Variants in GCFC2 observed in about 807,000 individuals in gnomAD.
GCFC2 encodes intron Large complex component GCFC2.
In GCFC2, 102 loss-of-function variants were observed where a neutral mutation model predicts 99.4. The ratio of observed to expected loss-of-function variants is 1.03; its 90% CI spans 0.87 to 1.21. GCFC2 has a LOEUF of 1.21. Ranked by LOEUF, GCFC2 falls within the 50% of genes most tolerant of loss-of-function variation. The pLI is 0.00. For missense variants in GCFC2, 973 were observed against 920.9 expected (o/e 1.06, Z -0.73); for synonymous variants, 338 against 316.8 (o/e 1.07, Z -0.71).
Position 75,696,242 on chromosome 2 carries a change from G to T in GCFC2, c.791C>A (p.Pro264Gln). 6.7e-7 allele frequency: 1 copy of T among 1,486,962 alleles called. No homozygotes were observed. The highest frequency in any genetic ancestry group is 9.4e-7 in the Non-Finnish European group (1 of 1,066,136). 92.1% of individuals were successfully genotyped at this position (1,486,962 alleles called of 1,614,324 possible). ...CTTTATAATTTCTAAATTTACTGGC[G>T]GAAATGAAATGGAAGTATCAAATTT... ...VKKFDTSISF[P>Q]PVNLEIIKKQ... The change falls in exon 5 of 17, where the codon CCG becomes CAG. Residue 264 changes from proline to glutamine, a missense_variant. Physicochemically the swap from Pro to Gln is moderately conservative, Grantham distance 76. Coordinates refer to ENST00000321027, the MANE Select transcript of GCFC2 (RefSeq NM_003203.5).
At chr2:75,683,940 C>T (rs530971481) in intron 11 of GCFC2, among the ~76,000 whole-genome samples, 43 of 152,056 alleles carry the variant, frequency 2.8e-4, no homozygotes, top group Middle Eastern at 3.4e-3. Flanking sequence ...TAAATAAATA[C>T]GCACCCAATA....
At position 75,670,403 on chromosome 2, in the gene GCFC2, CT is replaced by C. The variant is rs1679044946; in HGVS notation, c.1957-120del. ...CTCACTACAATTAGCCCTGTTGGAA[CT>C]GTCAATTTTAGAATACAATATCTCT... On this transcript the variant is annotated intron_variant, in intron 14 of 16. Coordinates refer to ENST00000321027, the MANE Select transcript of GCFC2 (RefSeq NM_003203.5). 5 of 623,870 alleles carry C rather than the reference CT, an allele frequency of 8.0e-6. No individual in the cohort carries two copies. The Admixed American group carries it at 1.3e-4, about 16-fold the overall frequency. The allele number at this position is 623,870 out of a possible 1,614,324, so 38.6% of individuals were successfully genotyped here. A position where few individuals can be genotyped will look rare whatever the true frequency, so the allele number is the denominator to read the frequency against.
Position 75,689,198 on chromosome 2 carries a change from A to C in GCFC2, c.1367T>G (p.Val456Gly). The C allele has an allele frequency of 1.3e-6, 2 of 1,598,270 alleles. No homozygotes were observed. The highest frequency in any genetic ancestry group is 2.2e-5 in the South Asian group (2 of 89,054). The part of the protein sequence containing the change: ...QGDILQKQKK[V>G]FEEVQDDFCN... ...AAAATCATCTTGCACTTCTTCAAAAACTTTCTTCTGTTTCTGTAAAATGTC... is the reference window on the plus strand; with the variant it reads ...AAAATCATCTTGCACTTCTTCAAAACCTTTCTTCTGTTTCTGTAAAATGTC... Residue 456 changes from valine (V) to glycine (G), a missense_variant, in exon 10 of 17, where the codon GTT (valine) becomes GGT (glycine). Coordinates refer to ENST00000321027, the MANE Select transcript of GCFC2 (RefSeq NM_003203.5).
chr2:75,711,313 G>C, upstream of GCFC2: 2 of 544,714 alleles, frequency 3.7e-6, no homozygotes, highest in Non-Finnish European at 4.7e-6. Context: ...TGTGAGGCTC[G>C]GGGTAGGAGG....
chr2:75,690,855 T>C (rs1680035996), intron 7 of GCFC2, 136 bp from the exon 8 acceptor site: 1 of 561,946 alleles, frequency 1.8e-6, no homozygotes, highest in East Asian at 3.0e-5. Flanking sequence ...AATTTTGCAA[T>C]TAATTATGCA....
intron 4 of GCFC2, among the ~76,000 whole-genome samples, chr2:75,699,331 T>C (rs542812961): frequency 2.0e-5 from 3 of 152,334 alleles, no homozygotes; most frequent in Middle Eastern, 3.4e-3. Flanking sequence ...ACTTAATAAA[T>C]AGAACTGTTT....
chr2:75,694,805 G>C (rs985839117), intron 5 of GCFC2, among the ~76,000 whole-genome samples: 1 of 152,088 alleles, frequency 6.6e-6, no homozygotes, highest in South Asian at 2.1e-4. Context: ...ACTAGGTACA[G>C]AGCAGGGTAT....
chr2:75,686,617 G>A (rs1405491867), intron 11 of GCFC2, among the ~76,000 whole-genome samples: 3 of 152,078 alleles, frequency 2.0e-5, no homozygotes, highest in Non-Finnish European at 2.9e-5. Flanking sequence ...GGTGGCACGC[G>A]CCTGGAGTCC....
At chr2:75,680,775 T>C (rs1010764487) in intron 11 of GCFC2, among the ~76,000 whole-genome samples, 3 of 152,208 alleles carry the variant, frequency 2.0e-5, no homozygotes, top group African/African-American at 7.2e-5. Flanking sequence ...TTATTTTTTC[T>C]ACTCCCTTGC....
At chr2:75,673,628 G>A (rs1475900506) in intron 12 of GCFC2, 108 bp from the exon 13 acceptor site, 5 of 630,604 alleles carry the variant, frequency 7.9e-6, no homozygotes, top group Admixed American at 2.9e-5. Flanking sequence ...CACATAACCA[G>A]CTGTTAAAAT....
chr2:75,673,245 T>C (rs1226972655), intron 13 of GCFC2, among the ~76,000 whole-genome samples, 199 bp downstream of exon 13: 2 of 151,952 alleles, frequency 1.3e-5, no homozygotes, highest in African/African-American at 4.8e-5. Flanking sequence ...GAGGCGGAGC[T>C]TGCAGTGAGC....
upstream of GCFC2, among the ~76,000 whole-genome samples, chr2:75,711,461 A>G (rs527875081): frequency 6.6e-6 from 1 of 152,366 alleles, no homozygotes; most frequent in African/African-American, 2.4e-5. Flanking sequence ...GAAACTATCT[A>G]AAAACAAAAA....
intron 13 of GCFC2, among the ~76,000 whole-genome samples, chr2:75,672,633 C>T (rs1418489753): frequency 2.0e-5 from 3 of 152,032 alleles, no homozygotes; most frequent in Non-Finnish European, 2.9e-5. Context: ...ATCAAATACT[C>T]GTTTTATAAT....
At chr2:75,688,642 T>A (rs1281043317) in intron 10 of GCFC2, among the ~76,000 whole-genome samples, 1 of 152,166 alleles carries the variant, frequency 6.6e-6, no homozygotes, top group African/African-American at 2.4e-5. Flanking sequence ...AAGGCTTGCA[T>A]TCCACCTTCT....
At chr2:75,677,286 CAG>C (rs1679382138) in intron 12 of GCFC2, among the ~76,000 whole-genome samples, 1 of 152,202 alleles carries the variant, frequency 6.6e-6, no homozygotes, top group Non-Finnish European at 1.5e-5. Flanking sequence ...ACTTTGAAAA[CAG>C]AAACTATGTT....
chr2:75,692,360 A>G (rs536070952), intron 6 of GCFC2, among the ~76,000 whole-genome samples: 14 of 115,404 alleles, frequency 1.2e-4, no homozygotes, highest in African/African-American at 5.2e-4. Context: ...AGATAGATAA[A>G]CTAAATGGGG....
At chr2:75,698,914 A>T (rs1343407098) in intron 4 of GCFC2, among the ~76,000 whole-genome samples, 1 of 151,602 alleles carries the variant, frequency 6.6e-6, no homozygotes, top group African/African-American at 2.4e-5. Flanking sequence ...CAGGAAGCTG[A>T]GGCATGAGAA....
At position 75,670,460 on chromosome 2, in the gene GCFC2, T is replaced by C. The variant is rs114330657; in HGVS notation, c.1957-176A>G. On this transcript the variant is annotated intron_variant, in intron 14 of 16. Coordinates refer to ENST00000321027, the MANE Select transcript of GCFC2 (RefSeq NM_003203.5). ...AATACTTGATTCTTTCCAAACTCCA[T>C]GTATTTGCTCATCTTATTTTCATTT... The C allele has an allele frequency of 1.8e-3, 840 of 478,548 alleles. 3 individuals carry two copies. The highest frequency in any genetic ancestry group is 0.015 in the African/African-American group (769 of 52,216). The allele number at this position is 478,548 out of a possible 1,614,324, so 29.6% of individuals were successfully genotyped here. A position where few individuals can be genotyped will look rare whatever the true frequency, so the allele number is the denominator to read the frequency against.
intron 4 of GCFC2, among the ~76,000 whole-genome samples, chr2:75,696,770 T>C (rs1680344266): frequency 6.6e-6 from 1 of 152,156 alleles, no homozygotes; most frequent in Non-Finnish European, 1.5e-5. Flanking sequence ...GTAAAGTTTT[T>C]ACTTTTCTTT....
Sources: allele counts gnomAD v4.1 joint callset (sites outside exome capture counted in the v4.1 genomes callset), GRCh38; gene constraint gnomAD v4.1.1; transcripts MANE v1.5; gene names NCBI Gene and HGNC (gene_info 2026-07-23, HGNC 2026-07-21).